TENM3: variants seen among roughly 807,000 people sequenced by gnomAD.
TENM3 encodes teneurin transmembrane protein 3.
In TENM3, 63 loss-of-function variants were observed where a neutral mutation model predicts 255.1. The ratio of observed to expected loss-of-function variants is 0.25; its 90% CI spans 0.20 to 0.30. The LOEUF (loss-of-function observed/expected upper bound fraction) is 0.30, where lower values mean the gene tolerates loss of function less well. Ranked by LOEUF, TENM3 falls within the 10% of genes least tolerant of loss-of-function variation. TENM3 has a pLI of 1.00. For missense variants in TENM3, 2,929 were observed against 3,461.1 expected (o/e 0.85, Z 3.86); for synonymous variants, 1,306 against 1,322.3 (o/e 0.99, Z 0.27).
intron 22 of TENM3, among the ~76,000 whole-genome samples, chr4:182,767,552 A>T (rs1299581334): frequency 6.6e-6 from 1 of 152,038 alleles, no homozygotes; most frequent in East Asian, 1.9e-4. Flanking sequence ...GGAAGAAAAG[A>T]TTCTCCCTCT....
chr4:181,587,474 C>T, the TENM3 span, among the ~76,000 whole-genome samples: 403 of 152,302 alleles, frequency 2.6e-3, no homozygotes, highest in South Asian at 7.2e-3. Flanking sequence ...GTGAGTACAA[C>T]TAATACTTCA....
the TENM3 span, among the ~76,000 whole-genome samples, chr4:181,596,850 A>G: frequency 1.3e-5 from 2 of 152,046 alleles, no homozygotes; most frequent in Non-Finnish European, 2.9e-5. Flanking sequence ...CAAATACCAC[A>G]TGTTGTCACT....
At chr4:182,507,425 G>C (rs758894112) in intron 3 of TENM3, among the ~76,000 whole-genome samples, 8 of 152,082 alleles carry the variant, frequency 5.3e-5, no homozygotes, top group Non-Finnish European at 1.2e-4. Flanking sequence ...ATCAGTTACT[G>C]TGGAGTTACC....
chr4:182,071,969 C>T, the TENM3 span, among the ~76,000 whole-genome samples: 18 of 152,112 alleles, frequency 1.2e-4, no homozygotes, highest in Non-Finnish European at 2.6e-4. Context: ...AAAAAAAACA[C>T]TAACCTTTGA....
At chr4:181,849,949 T>TCTCTCTCTCTCTCACACA in the TENM3 span, among the ~76,000 whole-genome samples, 18 of 65,962 alleles carry the variant, frequency 2.7e-4, no homozygotes, top group Non-Finnish European at 3.3e-4. Flanking sequence ...TCTCTCTCTC[T>TCTCTCTCTCTCTCACACA]CACACACACA....
chr4:182,227,441 G>A lies in TENM3; in HGVS notation c.-76+82687G>A, dbSNP rs1257221077. 1.0e-4 allele frequency among the ~76,000 whole-genome samples: 15 copies of A among 145,250 alleles called. No individual in the cohort carries two copies. In the Admixed American group the frequency reaches 1.1e-3, roughly 11 times the overall value. On this transcript the variant is annotated intron_variant, in intron 1 of 2. Transcript: ENST00000512480. ...TCTTATTGGCCAGTGTCCACTGTCG[G>A]TGGAATGGCTGCATGGCCATCATTA...
chr4:182,336,419 A>G (rs543165663), intron 2 of TENM3, among the ~76,000 whole-genome samples: 5 of 152,330 alleles, frequency 3.3e-5, no homozygotes, highest in African/African-American at 1.2e-4. Context: ...ATAGTGTGTG[A>G]AATAAACAAT....
intron 3 of TENM3, among the ~76,000 whole-genome samples, chr4:182,404,013 C>T (rs534339616): frequency 2.0e-5 from 3 of 152,348 alleles, no homozygotes; most frequent in African/African-American, 7.2e-5. Flanking sequence ...AGAACCACTG[C>T]ACCAAGCTGT....
chr4:182,416,688 T>TA lies in TENM3; in HGVS notation c.511+69761dup, dbSNP rs1770384241. Among the ~76,000 whole-genome samples the TA allele has an allele frequency of 2.0e-5, 3 of 152,326 alleles. No individual in the cohort carries two copies. In the East Asian group the frequency reaches 5.8e-4, roughly 29 times the overall value. The stretch of plus-strand genomic sequence containing the variant: ...TGGGGTCACAATTGGCTTCCCAAAG[T>TA]AACTATAACAAAATTATTCTAGATA... On this transcript the variant is annotated intron_variant, in intron 3 of 27. Coordinates refer to ENST00000511685, the MANE Select transcript of TENM3 (RefSeq NM_001080477.4).
At chr4:181,605,554 GAAA>G in the TENM3 span, among the ~76,000 whole-genome samples, 17 of 28,174 alleles carry the variant, frequency 6.0e-4, no homozygotes, top group African/African-American at 1.2e-3. Flanking sequence ...AAGAAAGAAA[GAAA>G]GAAAGAAAGA....
chr4:182,784,787 G>A (rs1386816651), intron 24 of TENM3, among the ~76,000 whole-genome samples: 1 of 152,098 alleles, frequency 6.6e-6, no homozygotes, highest in Non-Finnish European at 1.5e-5. Flanking sequence ...TCGGAAAAGC[G>A]CAGTATTCGG....
chr4:181,546,662 C>T, the TENM3 span, among the ~76,000 whole-genome samples: 8 of 137,676 alleles, frequency 5.8e-5, no homozygotes, highest in South Asian at 2.5e-4. Context: ...TGCAGCGAGC[C>T]GAGATCGCGC....
chr4:181,835,771 A>C, the TENM3 span, among the ~76,000 whole-genome samples: 1 of 152,354 alleles, frequency 6.6e-6, no homozygotes, highest in Non-Finnish European at 1.5e-5. Flanking sequence ...CATAATTAAA[A>C]GAATTAAAAA....
In TENM3 at chr4:182,799,623, G is replaced by T. The variant is rs1229822058; in HGVS notation, c.7372G>T (p.Ala2458Ser). 10 of 1,543,674 alleles carry T rather than the reference G, an allele frequency of 6.5e-6. No homozygotes were observed. The highest frequency in any genetic ancestry group is 7.8e-6 in the Non-Finnish European group (9 of 1,146,558). ...PPIFGVQQQV[A>S]RQAKAFLSLG... ...CATCTTCGGAGTCCAGCAGCAAGTG[G>T]CGCGGCAGGCCAAGGCCTTCCTGTC... is the stretch of plus-strand genomic sequence containing the variant. The change falls in exon 28 of 28, where the codon GCG (alanine) becomes TCG (serine). Residue 2458 changes from alanine (A) to serine (S), a missense_variant. Ala to Ser is a moderately conservative substitution (Grantham distance 99, BLOSUM62 1). Around this residue, in one of 6 missense-constraint regions of TENM3, gnomAD observed 476 missense variants for 480.1 expected, o/e 0.99. Transcript: ENST00000511685. This position sits in a 1 kb window ranked among gnomAD's most constrained non-coding sequence, Gnocchi z 4.2.
At chr4:182,234,817 T>C (rs1756797259) in intron 1 of TENM3, among the ~76,000 whole-genome samples, 1 of 152,176 alleles carries the variant, frequency 6.6e-6, no homozygotes, top group African/African-American at 2.4e-5. Context: ...AGGTAGACTT[T>C]AATACAGTCT....
intron 3 of TENM3, among the ~76,000 whole-genome samples, chr4:182,443,828 C>T (rs1772692523): frequency 6.6e-6 from 1 of 152,214 alleles, no homozygotes; most frequent in East Asian, 1.9e-4. Flanking sequence ...AATTAAGGAC[C>T]AGTGCTTTTG....
intron 1 of TENM3, among the ~76,000 whole-genome samples, chr4:182,159,155 A>T (rs1750918007): frequency 6.6e-6 from 1 of 152,336 alleles, no homozygotes; most frequent in East Asian, 1.9e-4. Context: ...GCCCCCACAC[A>T]GCAGACATGG....
chr4:182,318,903 A>G (rs1449165355), intron 1 of TENM3, among the ~76,000 whole-genome samples: 1 of 151,706 alleles, frequency 6.6e-6, no homozygotes, highest in Non-Finnish European at 1.5e-5. Context: ...GAGTAGCTAG[A>G]ACTACAGGCA....
At chr4:181,483,366 C>T in the TENM3 span, among the ~76,000 whole-genome samples, 2 of 151,952 alleles carry the variant, frequency 1.3e-5, no homozygotes, top group South Asian at 2.1e-4. Flanking sequence ...GCTAATTGAG[C>T]GAACATCATC....
Sources: gnomAD v4.1 joint callset for allele counts (sites outside exome capture counted in the v4.1 genomes callset) on GRCh38, gnomAD v4.1.1 for gene constraint, gnomAD v4.1.1 regional missense constraint, Gnocchi (gnomAD v3.1) non-coding constraint, MANE v1.5 for transcripts, NCBI Gene and HGNC (gene_info 2026-07-23, HGNC 2026-07-21) for gene names.